Variants in LPXN observed in about 807,000 individuals in gnomAD.
LPXN encodes the protein leupaxin.
A neutral mutation model predicts 45.6 loss-of-function variants in LPXN; 28 were observed. The ratio of observed to expected loss-of-function variants is 0.61; its 90% CI spans 0.45 to 0.84. The LOEUF is 0.84. LPXN is among the 40% of genes least tolerant of loss of function. The pLI, the probability that LPXN is intolerant of heterozygous loss-of-function variation, is 0.00. For missense variants in LPXN, 459 were observed against 475.0 expected, an observed-to-expected ratio of 0.97 and a Z score of 0.31; for synonymous variants, 166 against 169.9, an observed-to-expected ratio of 0.98 and a Z score of 0.18.
At chr11:58,560,666 A>G (rs1854346659) in intron 3 of LPXN, among the ~76,000 whole-genome samples, 1 of 152,190 alleles carries the variant, frequency 6.6e-6, no homozygotes, top group South Asian at 2.1e-4. Context: ...ATCTTTTATA[A>G]TAACAACCTT....
intron 2 of LPXN, among the ~76,000 whole-genome samples, chr11:58,565,755 C>A (rs1055706389): frequency 2.6e-5 from 4 of 151,938 alleles, no homozygotes; most frequent in African/African-American, 4.8e-5. Context: ...GGCTGAGGCA[C>A]GTGCATCATT....
intron 1 of LPXN, among the ~76,000 whole-genome samples, chr11:58,573,997 A>G (rs1406006307): frequency 1.3e-5 from 2 of 152,112 alleles, no homozygotes; most frequent in Non-Finnish European, 2.9e-5. Context: ...GCAGACAGGA[A>G]ATATTTGCTC....
rs1333189732 is a variant in LPXN, at chr11:58,529,411, C to A, written c.743-1220G>T. ...GGATCACGAGGTCAGGAGATCGAGA[C>A]CATCCTGGCTAACACGGTGAAACCC... On this transcript the variant is annotated intron_variant, in intron 7 of 8. Transcript: ENST00000395074. 2.0e-5 allele frequency among the ~76,000 whole-genome samples: 3 copies of A among 151,798 alleles called. No homozygotes were observed. The East Asian group carries it at 5.8e-4, about 29-fold the overall frequency.
Position 58,527,460 on chromosome 11 carries a change from T to G in LPXN, c.1155A>C (p.Pro385=), listed in dbSNP as rs1248779095. 1.2e-6 allele frequency: 2 copies of G among 1,614,080 alleles called. No individual in the cohort carries two copies. Among genetic ancestry groups the G allele is most frequent in the African/African-American group, 2.7e-5 (2 of 74,932 alleles). Residue 385 remains proline, a synonymous_variant, in exon 9 of 9, where the codon CCA becomes CCC. Coordinates refer to ENST00000395074, the MANE Select transcript of LPXN (RefSeq NM_004811.3). ...YCQPCFNKLF[P]L is the part of the protein sequence containing the mutation. ...GGCTATGGATCAGTTGGCATTACAG[T>G]GGGAAGAGCTTATTGAAGCAAGGTT...
chr11:58,561,828 T>A (rs891175315), intron 3 of LPXN, among the ~76,000 whole-genome samples: 10 of 152,246 alleles, frequency 6.6e-5, no homozygotes, highest in Non-Finnish European at 4.4e-5. Context: ...CCAACAGTTA[T>A]TGAGTCAACA....
intron 7 of LPXN, among the ~76,000 whole-genome samples, chr11:58,542,457 A>T (rs934965547): frequency 5.3e-5 from 8 of 151,826 alleles, no homozygotes; most frequent in African/African-American, 1.9e-4. Context: ...GGTTTTTTTT[A>T]AAAAAGATGT....
chr11:58,577,525 G>A (rs1481147542), upstream of LPXN, among the ~76,000 whole-genome samples: 1 of 152,144 alleles, frequency 6.6e-6, no homozygotes, highest in Non-Finnish European at 1.5e-5. Context: ...AGGGGTAAAG[G>A]ATGTTCTTGC....
chr11:58,536,848 G>A (rs193280815), intron 7 of LPXN, among the ~76,000 whole-genome samples: 58 of 150,834 alleles, frequency 3.8e-4, no homozygotes, highest in African/African-American at 1.4e-3. Flanking sequence ...GTGACTGAAG[G>A]ATATGAACAC....
At chr11:58,578,198 G>C (rs1854967432), upstream of LPXN, 1 of 1,013,766 alleles carries the variant, frequency 9.9e-7, no homozygotes, top group Admixed American at 3.2e-5. Context: ...CCAGCAATTG[G>C]CTCGACGCTT....
chr11:58,534,986 G>A (rs1198204856), intron 7 of LPXN, among the ~76,000 whole-genome samples: 1 of 152,116 alleles, frequency 6.6e-6, no homozygotes, highest in African/African-American at 2.4e-5. Flanking sequence ...TCAGATCCCT[G>A]GATAGACCAA....
chr11:58,547,837 T>C (rs1227431182), intron 7 of LPXN, among the ~76,000 whole-genome samples: 5 of 152,188 alleles, frequency 3.3e-5, no homozygotes, highest in Non-Finnish European at 2.9e-5. Flanking sequence ...CTGCACAAGC[T>C]TTTATTTATG....
rs143739674 is a variant in LPXN, at chr11:58,544,442, G to A, written c.742+5344C>T. Among the ~76,000 whole-genome samples, 101 of 152,198 alleles carry A rather than the reference G, an allele frequency of 6.6e-4. 1 individual carries two copies. The East Asian group carries it at 0.012, about 19-fold the overall frequency. On this transcript the variant is annotated intron_variant, in intron 7 of 8. Coordinates refer to ENST00000395074, the MANE Select transcript of LPXN (RefSeq NM_004811.3). ...TGACACAAAACTGAGCTTGCCTATA[G>A]GTAGGCATTACTTGAGAAAACTGTA...
intron 3 of LPXN, among the ~76,000 whole-genome samples, chr11:58,557,671 A>G (rs1854245805): frequency 6.6e-6 from 1 of 152,200 alleles, no homozygotes; most frequent in South Asian, 2.1e-4. Flanking sequence ...TATCGTATTT[A>G]GGATTCCTGT....
chr11:58,544,607 A>G (rs1056959568), intron 7 of LPXN, among the ~76,000 whole-genome samples: 1 of 152,194 alleles, frequency 6.6e-6, no homozygotes, highest in African/African-American at 2.4e-5. Context: ...GCAATCACCC[A>G]AACTTGCTGT....
At chr11:58,529,389 T>C (rs1484984761) in intron 7 of LPXN, among the ~76,000 whole-genome samples, 1 of 151,926 alleles carries the variant, frequency 6.6e-6, no homozygotes, top group African/African-American at 2.4e-5. Flanking sequence ...GGCGGGTGGA[T>C]CACGAGGTCA....
At chr11:58,578,677 G>A (rs908167285), upstream of LPXN, among the ~76,000 whole-genome samples, 11 of 152,152 alleles carry the variant, frequency 7.2e-5, no homozygotes, top group Non-Finnish European at 1.5e-4. Context: ...GCCTAAAGAA[G>A]AATAGAAAGA....
rs770451028 is a variant in LPXN, at chr11:58,575,807, C to G, written c.-35G>C. On this transcript the variant is annotated 5_prime_UTR_variant, in exon 1 of 9. Coordinates refer to ENST00000395074, the MANE Select transcript of LPXN (RefSeq NM_004811.3). Reference sequence around the variant, plus strand: ...TCCAAGATGCTCTTGTCTCACAGGCCGTGAGGAACAGCTTTGGCATGTGCT... The same window carrying G: ...TCCAAGATGCTCTTGTCTCACAGGCGGTGAGGAACAGCTTTGGCATGTGCT... The G allele has an allele frequency of 1.9e-6, 3 of 1,614,152 alleles. No individual in the cohort carries two copies. The highest frequency in any genetic ancestry group is 1.1e-5 in the South Asian group (1 of 91,082).
chr11:58,542,821 G>A (rs1853770269), intron 7 of LPXN, among the ~76,000 whole-genome samples: 1 of 152,126 alleles, frequency 6.6e-6, no homozygotes. Context: ...ACACATACAT[G>A]AATAAATGTA....
intron 7 of LPXN, among the ~76,000 whole-genome samples, chr11:58,534,828 T>C (rs1320569992): frequency 6.6e-6 from 1 of 151,910 alleles, no homozygotes; most frequent in East Asian, 1.9e-4. Context: ...AAAAAAATGA[T>C]AAAGGGGTTA....
Sources: allele counts gnomAD v4.1 joint callset (sites outside exome capture counted in the v4.1 genomes callset), GRCh38; gene constraint gnomAD v4.1.1; transcripts MANE v1.5; gene names NCBI Gene and HGNC (gene_info 2026-07-23, HGNC 2026-07-21).